Variants in IGLL5 observed in about 807,000 individuals in gnomAD.
The protein encoded by IGLL5 is immunoglobulin lambda-like polypeptide 5.
A neutral mutation model predicts 20.9 loss-of-function variants in IGLL5; 30 were observed. That is an observed-to-expected ratio of 1.44 (90% CI 1.07 to 1.95). The LOEUF (loss-of-function observed/expected upper bound fraction) is 1.95. IGLL5 is among the 30% of genes most tolerant of loss of function. IGLL5 has a pLI of 0.00. For synonymous variants in IGLL5, 203 were observed against 117.3 expected, an observed-to-expected ratio of 1.73 and a Z score of -4.72; for missense variants, 475 against 270.7, an observed-to-expected ratio of 1.75 and a Z score of -5.30.
At chr22:22,888,881 T>G (rs544198455) in intron 1 of IGLL5, among the ~76,000 whole-genome samples, 4 of 151,316 alleles carry the variant, frequency 2.6e-5, no homozygotes, top group South Asian at 2.1e-4. Flanking sequence ...CCCTCTGGGA[T>G]GATGCCCAGG....
intron 1 of IGLL5, among the ~76,000 whole-genome samples, chr22:22,889,467 G>A (rs1601608401): frequency 1.3e-5 from 2 of 151,318 alleles, no homozygotes; most frequent in Admixed American, 6.6e-5. Flanking sequence ...AATAATCAAA[G>A]CTGTAACCAA....
intron 2 of IGLL5, 122 bp from the exon 3 acceptor site, chr22:22,895,252 GA>G: frequency 1.1e-6 from 1 of 870,734 alleles, no homozygotes; most frequent in South Asian, 1.6e-5. Flanking sequence ...GAAGAGGAGA[GA>G]ACCCCGGGTG....
At chr22:22,894,584 A>T (rs2066670860) in intron 2 of IGLL5, among the ~76,000 whole-genome samples, 1 of 151,262 alleles carries the variant, frequency 6.6e-6, no homozygotes, top group East Asian at 2.0e-4. Context: ...GGCATGTTAG[A>T]CTCAGGAAAT....
At chr22:22,893,939 T>TAGGGACA in intron 2 of IGLL5, 121 bp downstream of exon 2, 1 of 764,100 alleles carries the variant, frequency 1.3e-6, no homozygotes, top group East Asian at 2.5e-5. Context: ...ACCCTTACCT[T>TAGGGACA]TCTCCATGGG....
At chr22:22,888,746 CACATAAATG>C (rs1453291623) in intron 1 of IGLL5, among the ~76,000 whole-genome samples, 1 of 151,216 alleles carries the variant, frequency 6.6e-6, no homozygotes, top group Non-Finnish European at 1.5e-5. Flanking sequence ...CACCAACTTG[CACATAAATG>C]CTTACTGGGG....
At chr22:22,894,153 G>C (rs1601624019) in intron 2 of IGLL5, among the ~76,000 whole-genome samples, 5 of 151,510 alleles carry the variant, frequency 3.3e-5, no homozygotes, top group East Asian at 2.0e-4. Flanking sequence ...ACATTGCCCA[G>C]TGACTCCTGG....
In IGLL5 at chr22:22,895,727, G is replaced by A. The variant is rs756705293; in HGVS notation, c.*33G>A. On this transcript the variant is annotated 3_prime_UTR_variant, in exon 3 of 3. Coordinates refer to ENST00000526893, the MANE Select transcript of IGLL5 (RefSeq NM_001178126.2). ...ACTCTAACCCCACCCACGGGAGCCT[G>A]GAGCTGCAGGATCCCAGGGGAGGGG... 18 of 1,605,850 alleles carry A rather than the reference G, an allele frequency of 1.1e-5. No homozygotes were observed. The highest frequency in any genetic ancestry group is 3.3e-5 in the Admixed American group (2 of 59,862).
intron 1 of IGLL5, among the ~76,000 whole-genome samples, chr22:22,889,358 A>G (rs528441820): frequency 4.6e-5 from 7 of 151,104 alleles, no homozygotes; most frequent in East Asian, 2.0e-4. Flanking sequence ...AAAAATGTAT[A>G]ACCATTTTAG....
In IGLL5 at chr22:22,887,925, A is replaced by T; in HGVS notation, c.-129A>T. The T allele has an allele frequency of 2.6e-6, 2 of 779,912 alleles. No individual in the cohort carries two copies. The highest frequency in any genetic ancestry group is 4.4e-6 in the Non-Finnish European group (2 of 449,766). 48.3% of individuals were successfully genotyped at this position (779,912 alleles called of 1,614,324 possible). ...TAGGGACAGGGACCAGAGCCAGTCC[A>T]GGGAGAGGACAGAGCCAATGGACTG... On this transcript the variant is annotated 5_prime_UTR_variant, in exon 1 of 3. Transcript: ENST00000526893.
intron 2 of IGLL5, among the ~76,000 whole-genome samples, chr22:22,894,120 G>C (rs1601623790): frequency 6.6e-6 from 1 of 151,544 alleles, no homozygotes; most frequent in East Asian, 2.0e-4. Context: ...GTTCTGATGA[G>C]GGGCCCTGCA....
intron 1 of IGLL5, among the ~76,000 whole-genome samples, chr22:22,889,615 T>G (rs1173785200): frequency 6.6e-6 from 1 of 151,316 alleles, no homozygotes; most frequent in African/African-American, 2.4e-5. Context: ...TTTGAAACAG[T>G]CTTGATCTGT....
chr22:22,893,859 G>A lies in IGLL5; in HGVS notation c.325+41G>A, dbSNP rs146271125. The A allele has an allele frequency of 7.4e-5, 99 of 1,332,828 alleles. 4 individuals are homozygous for A. Among genetic ancestry groups the A allele is most frequent in the East Asian group, 2.5e-4 (11 of 43,398 alleles). 82.6% of individuals were successfully genotyped at this position (1,332,828 alleles called of 1,614,324 possible). On this transcript the variant is annotated intron_variant, in intron 2 of 2. Coordinates refer to ENST00000526893, the MANE Select transcript of IGLL5 (RefSeq NM_001178126.2). ...CCTTTCCCAGCCTGTCTCACCCTCT[G>A]CTGTCCCTGGAAAATCTGTTTTCTC... is the stretch of plus-strand genomic sequence containing the variant.
intron 1 of IGLL5, among the ~76,000 whole-genome samples, chr22:22,888,818 C>A: frequency 6.6e-6 from 1 of 151,424 alleles, no homozygotes; most frequent in Admixed American, 6.6e-5. Context: ...GCTGTCCAGT[C>A]ATTGGAACAG....
Position 22,895,421 on chromosome 22 carries a change from T to C in IGLL5, c.372T>C (p.Ser124=). 6.2e-7 allele frequency: 1 copy of C among 1,612,932 alleles called. No individual in the cohort carries two copies. The highest frequency in any genetic ancestry group is 8.5e-7 in the Non-Finnish European group (1 of 1,179,526). ...NPTVTLFPPS[S]EELQANKATL... is the part of the protein sequence containing the mutation. ...CTGTCACTCTGTTCCCGCCCTCCTCTGAGGAGCTCCAAGCCAACAAGGCCA... is the reference window on the plus strand; with the variant it reads ...CTGTCACTCTGTTCCCGCCCTCCTCCGAGGAGCTCCAAGCCAACAAGGCCA... The change falls in exon 3 of 3, where the codon TCT becomes TCC. Residue 124 remains serine (S), a synonymous_variant. Coordinates refer to ENST00000526893, the MANE Select transcript of IGLL5 (RefSeq NM_001178126.2).
chr22:22,894,630 C>T lies in IGLL5; in HGVS notation c.326-745C>T, dbSNP rs551617759. Among the ~76,000 whole-genome samples, 5 of 150,890 alleles carry T rather than the reference C, an allele frequency of 3.3e-5. 1 individual carries two copies. The highest frequency in any genetic ancestry group is 6.6e-5 in the Admixed American group (1 of 15,096). On this transcript the variant is annotated intron_variant, in intron 2 of 2. Transcript: ENST00000526893. ...GAGTGAATGAGGGGTGCAGAGAACT[C>T]CATGGCTACCAGGTGAAGTTTGGGG... is the stretch of plus-strand genomic sequence containing the variant.
At chr22:22,888,546 G>C (rs181507178) in intron 1 of IGLL5, among the ~76,000 whole-genome samples, 2 of 151,390 alleles carry the variant, frequency 1.3e-5, no homozygotes, top group Admixed American at 1.3e-4. Flanking sequence ...CTAGTCCTCT[G>C]GGTAGGGAAG....
intron 1 of IGLL5, 53 bp downstream of exon 1, chr22:22,888,312 A>C (rs548611730): frequency 2.0e-6 from 3 of 1,500,912 alleles, no homozygotes; most frequent in Admixed American, 4.0e-5. Flanking sequence ...AGAGCTGGGA[A>C]AGGGTGACCA....
chr22:22,893,827 C>A lies in IGLL5; in HGVS notation c.325+9C>A. The A allele has an allele frequency of 6.4e-7, 1 of 1,560,710 alleles. No homozygotes were observed. Among genetic ancestry groups the A allele is most frequent in the Non-Finnish European group, 8.8e-7 (1 of 1,131,996 alleles). On this transcript the variant is annotated intron_variant, in intron 2 of 2. Transcript: ENST00000526893. Reference sequence around the variant, plus strand: ...CAAGGTCACCGTCCTAGGTAAGTGGCTCTCAACCTTTCCCAGCCTGTCTCA... The same window carrying A: ...CAAGGTCACCGTCCTAGGTAAGTGGATCTCAACCTTTCCCAGCCTGTCTCA...
intron 1 of IGLL5, among the ~76,000 whole-genome samples, chr22:22,888,960 A>C (rs2067669630): frequency 6.6e-6 from 1 of 151,324 alleles, no homozygotes; most frequent in Middle Eastern, 3.7e-3. Flanking sequence ...GCGTCAGAGG[A>C]GAGGAGAGCA....
Sources: gnomAD v4.1 joint callset for allele counts (sites outside exome capture counted in the v4.1 genomes callset) on GRCh38, gnomAD v4.1.1 for gene constraint, MANE v1.5 for transcripts, NCBI Gene and HGNC (gene_info 2026-07-23, HGNC 2026-07-21) for gene names.